Variants in PPM1H observed in about 807,000 individuals in gnomAD.
PPM1H encodes protein phosphatase 1H.
PPM1H carries 27 observed loss-of-function variants against 54.9 expected under a neutral mutation model. The ratio of observed to expected loss-of-function variants is 0.49; its 90% confidence interval spans 0.36 to 0.68. PPM1H has a LOEUF of 0.68. Ranked by LOEUF, PPM1H falls within the 30% of genes least tolerant of loss-of-function variation. The pLI is 0.00. For synonymous variants in PPM1H, 305 were observed against 270.8 expected (o/e 1.13, Z -1.24); for missense variants, 596 against 667.8 (o/e 0.89, Z 1.19).
At chr12:62,832,368 C>T (rs1868379477) in intron 1 of PPM1H, 89 bp from the exon 2 acceptor site, 1 of 1,284,700 alleles carries the variant, frequency 7.8e-7, no homozygotes, top group Non-Finnish European at 1.1e-6. Context: ...ACAGTCTCTA[C>T]AACTGGCCCA....
intron 8 of PPM1H, among the ~76,000 whole-genome samples, chr12:62,673,029 C>A (rs2075965159): frequency 6.6e-6 from 1 of 152,204 alleles, no homozygotes; most frequent in Admixed American, 6.5e-5. Flanking sequence ...TGAGACACTT[C>A]CAAATCGTCA....
intron 1 of PPM1H, among the ~76,000 whole-genome samples, chr12:62,932,627 G>GTTTTT (rs1229452777): frequency 1.3e-4 from 3 of 22,530 alleles, no homozygotes; most frequent in Non-Finnish European, 3.5e-4. Context: ...GTCCAAATGG[G>GTTTTT]CTTTTTTTTT....
chr12:62,916,167 C>G (rs560898820), intron 1 of PPM1H, among the ~76,000 whole-genome samples: 2 of 152,186 alleles, frequency 1.3e-5, no homozygotes, highest in African/African-American at 2.4e-5. Flanking sequence ...ACCTTCAGAG[C>G]CTTCCTTACA....
intron 3 of PPM1H, among the ~76,000 whole-genome samples, chr12:62,791,287 G>T (rs2076699872): frequency 6.6e-6 from 1 of 152,076 alleles, no homozygotes; most frequent in African/African-American, 2.4e-5. Context: ...TGAGGAGGAG[G>T]GGCACGGGTG....
At chr12:62,748,739 C>CATGTG (rs2076426052) in intron 4 of PPM1H, among the ~76,000 whole-genome samples, 1 of 152,140 alleles carries the variant, frequency 6.6e-6, no homozygotes, top group African/African-American at 2.4e-5. Flanking sequence ...GGAGGAAATT[C>CATGTG]ACATATATGT....
At chr12:62,865,348 C>T in intron 1 of PPM1H, among the ~76,000 whole-genome samples, 1 of 152,150 alleles carries the variant, frequency 6.6e-6, no homozygotes, top group East Asian at 1.9e-4. Flanking sequence ...GTGGTTCCTT[C>T]CCTCCACCCC....
intron 1 of PPM1H, among the ~76,000 whole-genome samples, chr12:62,837,446 G>A (rs2120876875): frequency 6.6e-6 from 1 of 152,316 alleles, no homozygotes; most frequent in South Asian, 2.1e-4. Context: ...CATGTGGCAT[G>A]TATGGTGCTA....
At chr12:62,774,208 G>A (rs2076596036) in intron 4 of PPM1H, among the ~76,000 whole-genome samples, 1 of 152,184 alleles carries the variant, frequency 6.6e-6, no homozygotes, top group African/African-American at 2.4e-5. Flanking sequence ...CCGGCTCAGA[G>A]AGTGAAGTGG....
chr12:62,784,834 G>A (rs1368440231), intron 4 of PPM1H, among the ~76,000 whole-genome samples: 1 of 152,184 alleles, frequency 6.6e-6, no homozygotes, highest in Non-Finnish European at 1.5e-5. Context: ...GTTTGTAAAA[G>A]AGCTGCAAAT....
chr12:62,738,999 C>T (rs1336147528), intron 4 of PPM1H, among the ~76,000 whole-genome samples: 15 of 80,750 alleles, frequency 1.9e-4, no homozygotes, highest in Admixed American at 1.6e-3. Flanking sequence ...GCGGGGGCGG[C>T]GGAGGGGCGG....
chr12:62,655,193 AC>A (rs1244599965), intron 9 of PPM1H, among the ~76,000 whole-genome samples: 2 of 151,766 alleles, frequency 1.3e-5, no homozygotes, highest in Non-Finnish European at 2.9e-5. Flanking sequence ...ACTCAACACA[AC>A]CCCGGGGACT....
chr12:62,888,575 G>A (rs1460318017), intron 1 of PPM1H, among the ~76,000 whole-genome samples: 1 of 152,154 alleles, frequency 6.6e-6, no homozygotes. Context: ...AGAAAAGGGT[G>A]TTTCAAGGAG....
At position 62,771,295 on chromosome 12, in the gene PPM1H, G is replaced by GACACACACACACAC. The variant is rs4026219; in HGVS notation, c.869+16917_869+16930dup. On this transcript the variant is annotated intron_variant, in intron 4 of 9. Transcript: ENST00000228705. ...AAATTATCATTATAAACTTTGTGAA[G>GACACACACACACAC]ACACACACACACACACACACACACA... 3.8e-5 allele frequency among the ~76,000 whole-genome samples: 5 copies of GACACACACACACAC among 131,876 alleles called. No individual in the cohort carries two copies. The South Asian group carries it at 7.7e-4, about 20-fold the overall frequency. The allele number at this position is 131,876 out of a possible 152,430, so 86.5% of individuals were successfully genotyped here.
chr12:62,710,055 C>G (rs2076198625), intron 6 of PPM1H, among the ~76,000 whole-genome samples: 1 of 151,760 alleles, frequency 6.6e-6, no homozygotes, highest in East Asian at 2.0e-4. Context: ...GCCTGGGCAA[C>G]AAGAGTGAAA....
At chr12:62,809,056 T>C (rs780860513) in intron 2 of PPM1H, among the ~76,000 whole-genome samples, 59 of 152,294 alleles carry the variant, frequency 3.9e-4, no homozygotes, top group Non-Finnish European at 7.4e-4. Context: ...GGTTTTGCTG[T>C]ACCTTTATTT....
intron 1 of PPM1H, among the ~76,000 whole-genome samples, chr12:62,882,288 C>T (rs1042714475): frequency 5.9e-5 from 9 of 152,344 alleles, no homozygotes; most frequent in Admixed American, 1.3e-4. Flanking sequence ...TGCCACCCTA[C>T]AGAGGCTTTA....
chr12:62,694,881 A>G (rs571143110), intron 6 of PPM1H, among the ~76,000 whole-genome samples: 4 of 152,338 alleles, frequency 2.6e-5, no homozygotes, highest in Admixed American at 1.3e-4. Flanking sequence ...TTAGTAGATA[A>G]TTAACACTTA....
At chr12:62,656,339 A>T (rs937398056) in intron 9 of PPM1H, among the ~76,000 whole-genome samples, 2 of 152,292 alleles carry the variant, frequency 1.3e-5, no homozygotes, top group East Asian at 1.9e-4. Flanking sequence ...CAGCCATGTG[A>T]TCTTTCCATA....
intron 1 of PPM1H, chr12:62,850,708 T>C (rs1429190975): frequency 6.7e-6 from 1 of 148,844 alleles, no homozygotes; most frequent in African/African-American, 2.4e-5. Context: ...AAAATATATA[T>C]ATATTTATAT....
Sources: allele counts gnomAD v4.1 joint callset (sites outside exome capture counted in the v4.1 genomes callset), GRCh38; gene constraint gnomAD v4.1.1; transcripts MANE v1.5; gene names NCBI Gene and HGNC (gene_info 2026-07-23, HGNC 2026-07-21).